PARD3: variants seen among roughly 807,000 people sequenced by gnomAD.
The protein encoded by PARD3 is par-3 family cell polarity regulator, also known as partitioning defective 3 homolog.
Under a neutral mutation model 155.4 loss-of-function variants are expected in PARD3, and 75 were observed. The observed-to-expected ratio is 0.48, with a 90% CI of 0.40 to 0.58. The LOEUF (loss-of-function observed/expected upper bound fraction) is 0.58, where lower values mean the gene tolerates loss of function less well. Among genes scored for constraint, PARD3 ranks in the 20% least tolerant of loss-of-function variants. The pLI is 0.00. For synonymous variants in PARD3, 576 were observed against 610.5 expected, an observed-to-expected ratio of 0.94 and a Z score of 0.83; for missense variants, 1,642 against 1,721.7, an observed-to-expected ratio of 0.95 and a Z score of 0.82.
At chr10:34,310,377 C>T (rs1957640374) in intron 20 of PARD3, among the ~76,000 whole-genome samples, 1 of 152,178 alleles carries the variant, frequency 6.6e-6, no homozygotes, top group Non-Finnish European at 1.5e-5. Context: ...AAAAAGATTC[C>T]ATTTTCCACA....
At chr10:34,608,524 A>C (rs1388685384) in intron 2 of PARD3, among the ~76,000 whole-genome samples, 1 of 147,844 alleles carries the variant, frequency 6.8e-6, no homozygotes, top group African/African-American at 2.6e-5. Context: ...GAATACAGTA[A>C]AAAAGAATAC....
At chr10:34,576,790 A>G (rs976670274) in intron 2 of PARD3, among the ~76,000 whole-genome samples, 1 of 152,224 alleles carries the variant, frequency 6.6e-6, no homozygotes, top group Non-Finnish European at 1.5e-5. Flanking sequence ...AGATACCTCT[A>G]TGATATTTTT....
intron 20 of PARD3, among the ~76,000 whole-genome samples, chr10:34,296,844 C>CCATGG (rs1368855040): frequency 6.6e-6 from 1 of 152,122 alleles, no homozygotes; most frequent in Non-Finnish European, 1.5e-5. Flanking sequence ...GAGTTAGGCA[C>CCATGG]CATGGCATGT....
intron 22 of PARD3, among the ~76,000 whole-genome samples, chr10:34,160,989 C>T (rs1445381842): frequency 1.3e-5 from 2 of 152,118 alleles, no homozygotes; most frequent in Non-Finnish European, 2.9e-5. Flanking sequence ...GGTGTGGTGG[C>T]TCATGCCTGT....
chr10:34,188,692 T>C (rs146675720), intron 22 of PARD3, among the ~76,000 whole-genome samples: 9 of 152,222 alleles, frequency 5.9e-5, no homozygotes, highest in African/African-American at 2.2e-4. Flanking sequence ...CTCCAAAGGG[T>C]TGAAGAATTT....
intron 3 of PARD3, among the ~76,000 whole-genome samples, chr10:34,503,227 TA>T (rs1323338822): frequency 6.6e-6 from 1 of 152,182 alleles, no homozygotes; most frequent in Non-Finnish European, 1.5e-5. Context: ...GTATTTAAAA[TA>T]AATACTTCTC....
intron 5 of PARD3, among the ~76,000 whole-genome samples, chr10:34,410,366 G>A (rs1844926176): frequency 6.6e-6 from 1 of 151,348 alleles, no homozygotes; most frequent in Non-Finnish European, 1.5e-5. Context: ...AATATTTAAT[G>A]TATCATTTTA....
intron 3 of PARD3, among the ~76,000 whole-genome samples, chr10:34,510,829 A>G (rs1218662483): frequency 6.6e-6 from 1 of 152,186 alleles, no homozygotes; most frequent in East Asian, 1.9e-4. Flanking sequence ...TATTGTATTA[A>G]TCATAAATAA....
chr10:34,470,071 G>A lies in PARD3; in HGVS notation c.582+14C>T. On this transcript the variant is annotated intron_variant, in intron 4 of 24. Transcript: ENST00000374788. ...AGGGGCAAGAGACAGCAGCAAACAA[G>A]CAGAGGTGGTTACCTTCCTGTCGCA... The A allele has an allele frequency of 1.3e-6, 2 of 1,580,434 alleles. No homozygotes were observed. The highest frequency in any genetic ancestry group is 1.2e-5 in the South Asian group (1 of 85,188).
At chr10:34,213,582 A>G (rs1287923785) in intron 22 of PARD3, among the ~76,000 whole-genome samples, 1 of 152,208 alleles carries the variant, frequency 6.6e-6, no homozygotes, top group African/African-American at 2.4e-5. Context: ...TAATGATTAC[A>G]TAAATGTTTA....
intron 1 of PARD3, among the ~76,000 whole-genome samples, chr10:34,729,688 G>A (rs78831151): frequency 0.037 from 5,585 of 152,128 alleles, 363 homozygotes; most frequent in African/African-American, 0.13. Flanking sequence ...AACCTGACAA[G>A]TGCCCCAAAA....
At chr10:34,319,234 A>G (rs11009735) in intron 19 of PARD3, among the ~76,000 whole-genome samples, 14,904 of 151,502 alleles carry the variant, frequency 0.098, 1,705 homozygotes, top group African/African-American at 0.28. Context: ...GACTACAGGC[A>G]CACGCCACCA....
At chr10:34,171,921 G>A (rs1949811110) in intron 22 of PARD3, among the ~76,000 whole-genome samples, 1 of 117,034 alleles carries the variant, frequency 8.5e-6, no homozygotes, top group African/African-American at 3.3e-5. Context: ...CGGCATTCCA[G>A]CCTGGGTGAC....
intron 22 of PARD3, among the ~76,000 whole-genome samples, chr10:34,231,266 C>CAAAAAAAAA (rs57175956): frequency 7.3e-5 from 6 of 81,844 alleles, no homozygotes; most frequent in Admixed American, 3.2e-4. Context: ...TAATCTTAGG[C>CAAAAAAAAA]AAAAAAAAAA....
intron 1 of PARD3, among the ~76,000 whole-genome samples, chr10:34,704,544 A>G (rs181760254): frequency 6.6e-6 from 1 of 152,308 alleles, no homozygotes; most frequent in Admixed American, 6.5e-5. Context: ...ATAGGGTTAA[A>G]CCTTCCATGT....
At chr10:34,412,360 A>AT (rs1303709315) in intron 5 of PARD3, among the ~76,000 whole-genome samples, 2 of 152,080 alleles carry the variant, frequency 1.3e-5, no homozygotes, top group Non-Finnish European at 2.9e-5. Context: ...AGAGAATAAC[A>AT]TTTTTTAAAA....
At chr10:34,749,585 T>C (rs1169036609) in intron 1 of PARD3, among the ~76,000 whole-genome samples, 2 of 152,130 alleles carry the variant, frequency 1.3e-5, no homozygotes, top group Non-Finnish European at 2.9e-5. Flanking sequence ...AGCAAACATA[T>C]AGAACTTATA....
intron 20 of PARD3, among the ~76,000 whole-genome samples, chr10:34,316,762 A>C (rs1419690366): frequency 6.6e-6 from 1 of 152,250 alleles, no homozygotes; most frequent in African/African-American, 2.4e-5. Context: ...ATAATCATTT[A>C]GGCTGCTAAA....
chr10:34,569,411 G>A (rs922779956), intron 2 of PARD3, among the ~76,000 whole-genome samples: 2 of 152,008 alleles, frequency 1.3e-5, no homozygotes, highest in African/African-American at 2.4e-5. Context: ...TGTGTTACAC[G>A]TGACTATATA....
Sources: gnomAD v4.1 joint callset for allele counts (sites outside exome capture counted in the v4.1 genomes callset) on GRCh38, gnomAD v4.1.1 for gene constraint, MANE v1.5 for transcripts, NCBI Gene and HGNC (gene_info 2026-07-23, HGNC 2026-07-21) for gene names.